C11orf97: variants seen among roughly 807,000 people sequenced by gnomAD.
C11orf97 encodes the protein chromosome 11 open reading frame 97, also known as uncharacterized protein C11orf97.
In C11orf97, 15 loss-of-function variants were observed where a neutral mutation model predicts 16.2. That is an observed-to-expected ratio of 0.93 (90% CI 0.62 to 1.43). The LOEUF is 1.43. Among genes scored for constraint, C11orf97 ranks in the 40% most tolerant of loss-of-function variants. The pLI is 0.00. For missense variants in C11orf97, 171 were observed against 161.2 expected (o/e 1.06, Z -0.33); for synonymous variants, 61 against 65.7 (o/e 0.93, Z 0.34).
At chr11:94,513,897 T>A (rs1459994153) in intron 1 of C11orf97, among the ~76,000 whole-genome samples, 1 of 152,170 alleles carries the variant, frequency 6.6e-6, no homozygotes, top group Non-Finnish European at 1.5e-5. Flanking sequence ...CAACTCAGCC[T>A]CCTGGGTTCA....
At chr11:94,522,056 G>A (rs1947661557) in intron 2 of C11orf97, among the ~76,000 whole-genome samples, 1 of 152,140 alleles carries the variant, frequency 6.6e-6, no homozygotes, top group South Asian at 2.1e-4. Flanking sequence ...TCCGAATCTT[G>A]ATGTTTATCG....
chr11:94,531,316 C>T (rs1371894199), intron 3 of C11orf97, among the ~76,000 whole-genome samples: 2 of 151,936 alleles, frequency 1.3e-5, no homozygotes, highest in Non-Finnish European at 2.9e-5. Flanking sequence ...ACGCACGCTT[C>T]TAGTCCCAGC....
At chr11:94,527,854 T>C (rs928653962) in intron 2 of C11orf97, among the ~76,000 whole-genome samples, 5 of 152,214 alleles carry the variant, frequency 3.3e-5, no homozygotes, top group African/African-American at 1.2e-4. Flanking sequence ...TAGGGGCAAG[T>C]TAAATTATCT....
In C11orf97 at chr11:94,532,028, T is replaced by A; in HGVS notation, c.*128T>A. Reference sequence around the variant, plus strand: ...AATGATAGCCTGTAATTACTATTATTGGTATTAATACCTATCTATAAATTA... The same window carrying A: ...AATGATAGCCTGTAATTACTATTATAGGTATTAATACCTATCTATAAATTA... On this transcript the variant is annotated 3_prime_UTR_variant, in exon 4 of 4. Coordinates refer to ENST00000542198, the MANE Select transcript of C11orf97 (RefSeq NM_001190462.2). 2 of 654,880 alleles carry A rather than the reference T, an allele frequency of 3.1e-6. No individual in the cohort carries two copies. Among genetic ancestry groups the A allele is most frequent in the Non-Finnish European group, 4.8e-6 (2 of 418,108 alleles). 40.6% of individuals were successfully genotyped at this position (654,880 alleles called of 1,614,324 possible).
At chr11:94,517,856 G>GAA (rs5793686) in intron 2 of C11orf97, among the ~76,000 whole-genome samples, 169 bp downstream of exon 2, 10 of 151,330 alleles carry the variant, frequency 6.6e-5, no homozygotes, top group South Asian at 6.3e-4. Context: ...TTCATGTCTA[G>GAA]AAAAAAAAAT....
rs1405555081 is a variant in C11orf97 at position 94,512,535 on chromosome 11, G to A, written c.7G>A (p.Gly3Ser). Residue 3 changes from glycine (G) to serine (S), a missense_variant, in exon 1 of 4, where the codon GGC (glycine) becomes AGC (serine). Physicochemically the swap from Gly to Ser is moderately conservative, Grantham distance 56. Transcript: ENST00000542198. MT[G>S]EEAVVVTAVV... The stretch of plus-strand genomic sequence containing the variant: ...CTCGGAAGACCGCTGCGGCATGACA[G>A]GCGAGGAGGCGGTGGTGGTGACCGC... The A allele has an allele frequency of 1.5e-5, 19 of 1,309,676 alleles. No individual in the cohort carries two copies. The South Asian group carries it at 2.6e-4, about 18-fold the overall frequency. The allele number at this position is 1,309,676 out of a possible 1,614,324, so 81.1% of individuals were successfully genotyped here.
intron 1 of C11orf97, among the ~76,000 whole-genome samples, chr11:94,516,170 G>A (rs916439104): frequency 2.0e-5 from 3 of 152,128 alleles, no homozygotes; most frequent in African/African-American, 2.4e-5. Flanking sequence ...GATCACTGCC[G>A]GAAGCAGCAG....
At chr11:94,521,464 T>C (rs1455858798) in intron 2 of C11orf97, among the ~76,000 whole-genome samples, 4 of 152,232 alleles carry the variant, frequency 2.6e-5, no homozygotes, top group African/African-American at 9.6e-5. Context: ...ACATTTAAGG[T>C]AGGCTAGGCG....
chr11:94,530,351 A>G (rs769624354), intron 3 of C11orf97, among the ~76,000 whole-genome samples: 1 of 152,222 alleles, frequency 6.6e-6, no homozygotes, highest in Non-Finnish European at 1.5e-5. Flanking sequence ...TTGTCATATC[A>G]TATGAGCTGC....
At chr11:94,524,269 T>C (rs1947681758) in intron 2 of C11orf97, among the ~76,000 whole-genome samples, 1 of 152,184 alleles carries the variant, frequency 6.6e-6, no homozygotes, top group Non-Finnish European at 1.5e-5. Context: ...TGCAGTGACT[T>C]GTCCAATGTC....
intron 3 of C11orf97, among the ~76,000 whole-genome samples, chr11:94,530,076 T>C (rs1271827889): frequency 6.6e-6 from 1 of 152,254 alleles, no homozygotes; most frequent in Non-Finnish European, 1.5e-5. Flanking sequence ...ACAAGTCCAA[T>C]AAATTATCCA....
At chr11:94,517,971 A>G (rs543699225) in intron 2 of C11orf97, among the ~76,000 whole-genome samples, 2 of 152,136 alleles carry the variant, frequency 1.3e-5, no homozygotes, top group South Asian at 4.2e-4. Flanking sequence ...AACACGGTGA[A>G]AACCCGTCTC....
intron 1 of C11orf97, among the ~76,000 whole-genome samples, chr11:94,514,248 TA>T (rs1947591423): frequency 9.2e-6 from 1 of 109,226 alleles, no homozygotes; most frequent in South Asian, 2.5e-4. Context: ...TATTACATGC[TA>T]GGCATTCCAC....
At chr11:94,528,270 A>G in intron 3 of C11orf97, 61 bp downstream of exon 3, 1 of 1,433,900 alleles carries the variant, frequency 7.0e-7, no homozygotes, top group South Asian at 1.4e-5. Context: ...CAGTTTACAA[A>G]CCAGTGGTAT....
intron 1 of C11orf97, among the ~76,000 whole-genome samples, chr11:94,515,207 A>G (rs1947602361): frequency 6.6e-6 from 1 of 152,194 alleles, no homozygotes; most frequent in African/African-American, 2.4e-5. Flanking sequence ...TCTCAACTAT[A>G]AAACAGGAAT....
intron 2 of C11orf97, among the ~76,000 whole-genome samples, chr11:94,527,726 T>C (rs549978464): frequency 1.3e-5 from 2 of 152,344 alleles, no homozygotes; most frequent in Non-Finnish European, 2.9e-5. Flanking sequence ...AAATATTTTC[T>C]CTTACTGTAG....
intron 2 of C11orf97, among the ~76,000 whole-genome samples, chr11:94,523,067 GTT>G (rs1326138922): frequency 6.6e-6 from 1 of 151,808 alleles, no homozygotes; most frequent in Non-Finnish European, 1.5e-5. Context: ...CCCGCTGCAG[GTT>G]TTTTCTTCTC....
At chr11:94,520,583 A>T (rs1947650207) in intron 2 of C11orf97, among the ~76,000 whole-genome samples, 1 of 152,170 alleles carries the variant, frequency 6.6e-6, no homozygotes, top group Non-Finnish European at 1.5e-5. Flanking sequence ...CCAGAACCAA[A>T]ATCTTATTCT....
intron 2 of C11orf97, among the ~76,000 whole-genome samples, chr11:94,522,429 C>T (rs1033140901): frequency 2.0e-5 from 3 of 152,010 alleles, no homozygotes; most frequent in East Asian, 3.9e-4. Context: ...GCCAGCTACT[C>T]GGGAGACTGA....
Sources: allele counts gnomAD v4.1 joint callset (sites outside exome capture counted in the v4.1 genomes callset), GRCh38; gene constraint gnomAD v4.1.1; transcripts MANE v1.5; gene names NCBI Gene and HGNC (gene_info 2026-07-23, HGNC 2026-07-21).